RAB3GAP2: variants seen among roughly 807,000 people sequenced by gnomAD.
The protein encoded by RAB3GAP2 is RAB3 GTPase activating non-catalytic protein subunit 2.
RAB3GAP2 carries 87 observed loss-of-function variants against 185.3 expected under a neutral mutation model. That is an observed-to-expected ratio of 0.47 (90% confidence interval 0.39 to 0.56). The LOEUF is 0.56. Among genes scored for constraint, RAB3GAP2 ranks in the 20% least tolerant of loss-of-function variants. The pLI is 0.00. For missense variants in RAB3GAP2, 1,492 were observed against 1,638.2 expected, an observed-to-expected ratio of 0.91 and a Z score of 1.54; for synonymous variants, 554 against 576.1, an observed-to-expected ratio of 0.96 and a Z score of 0.55.
At chr1:220,214,092 A>G in intron 2 of RAB3GAP2, 113 bp from the exon 3 acceptor site, 1 of 1,054,338 alleles carries the variant, frequency 9.5e-7, no homozygotes, top group Non-Finnish European at 1.4e-6. Context: ...AAATATTTCC[A>G]ATTCTCATAC....
rs1657761047 is a variant in RAB3GAP2 at position 220,151,725 on chromosome 1, G to A, written c.3907C>T (p.Gln1303Ter). Residue 1303 changes from glutamine to a stop codon, truncating the protein, a stop_gained, in exon 34 of 35, where the codon CAG (glutamine) becomes TAG (stop). Transcript: ENST00000358951. LOFTEE classifies it high-confidence loss of function. ...CTTTGCCCCGTGAGCACCAGCAGCTGAGAGGCAAGGACCTCTTTGTCATGA... is the reference window on the plus strand; with the variant it reads ...CTTTGCCCCGTGAGCACCAGCAGCTAAGAGGCAAGGACCTCTTTGTCATGA... The part of the protein sequence containing the change: ...QVHDKEVLAS[Q>*]LLVLTGQRLA... The A allele has an allele frequency of 6.2e-7, 1 of 1,611,862 alleles. No individual in the cohort carries two copies. The highest frequency in any genetic ancestry group is 8.5e-7 in the Non-Finnish European group (1 of 1,177,912).
intron 1 of RAB3GAP2, chr1:220,254,641 A>G (rs1395669897): frequency 6.9e-6 from 6 of 873,754 alleles, no homozygotes; most frequent in Non-Finnish European, 9.2e-6. Flanking sequence ...GTTAGTGTAT[A>G]ACAATTGATG....
At chr1:220,235,812 G>A (rs1302587847) in intron 1 of RAB3GAP2, among the ~76,000 whole-genome samples, 1 of 152,114 alleles carries the variant, frequency 6.6e-6, no homozygotes, top group East Asian at 1.9e-4. Context: ...ATCTCTCTAT[G>A]CCACAATTCA....
chr1:220,194,987 G>C, intron 12 of RAB3GAP2, 91 bp downstream of exon 12: 1 of 1,280,296 alleles, frequency 7.8e-7, no homozygotes, highest in Non-Finnish European at 1.1e-6. Context: ...CCAAAGACAA[G>C]ATCAGCAAAT....
chr1:220,176,934 G>A (rs1272125781), intron 21 of RAB3GAP2, among the ~76,000 whole-genome samples: 1 of 152,066 alleles, frequency 6.6e-6, no homozygotes, highest in Non-Finnish European at 1.5e-5. Context: ...TACCTCACTT[G>A]TGCAGGAACC....
At chr1:220,160,335 G>T (rs974709348) in intron 28 of RAB3GAP2, among the ~76,000 whole-genome samples, 2 of 152,224 alleles carry the variant, frequency 1.3e-5, no homozygotes, top group African/African-American at 2.4e-5. Context: ...ACTACCACTT[G>T]CTGGGATTAC....
At chr1:220,226,311 T>A (rs999801955) in intron 2 of RAB3GAP2, among the ~76,000 whole-genome samples, 5 of 152,196 alleles carry the variant, frequency 3.3e-5, no homozygotes, top group African/African-American at 1.2e-4. Context: ...CCTTTCAAGC[T>A]TCTTCCCAAA....
At chr1:220,170,013 C>G (rs1658144054) in intron 24 of RAB3GAP2, among the ~76,000 whole-genome samples, 1 of 152,082 alleles carries the variant, frequency 6.6e-6, no homozygotes, top group Non-Finnish European at 1.5e-5. Context: ...AGACTTGGAA[C>G]CAACCCAAAT....
At position 220,272,237 on chromosome 1, in the gene RAB3GAP2, A is replaced by C; in HGVS notation, c.101T>G (p.Leu34Trp). The change falls in exon 1 of 35, where the codon TTG (leucine) becomes TGG (tryptophan). Residue 34 changes from leucine (L) to tryptophan (W), a missense_variant. By Grantham distance (61) the Leu-to-Trp change is moderately conservative (BLOSUM62 -2). Coordinates refer to ENST00000358951, the MANE Select transcript of RAB3GAP2 (RefSeq NM_012414.4). ...GAGGCACTTACTGGGGTCCCTCCGCAAGGCGCCGCTGAGGATCTCCTCCCG... is the reference window on the plus strand; with the variant it reads ...GAGGCACTTACTGGGGTCCCTCCGCCAGGCGCCGCTGAGGATCTCCTCCCG... ...HLREEILSGA[L>W]RRDPSKSTDW... is the part of the protein sequence containing the mutation. 6.2e-7 allele frequency: 1 copy of C among 1,608,006 alleles called. No individual in the cohort carries two copies. Among genetic ancestry groups the C allele is most frequent in the Non-Finnish European group, 8.5e-7 (1 of 1,178,152 alleles).
At chr1:220,174,382 C>T (rs1487952723) in intron 21 of RAB3GAP2, among the ~76,000 whole-genome samples, 1 of 152,024 alleles carries the variant, frequency 6.6e-6, no homozygotes, top group African/African-American at 2.4e-5. Flanking sequence ...ATATAGACAC[C>T]CTTTAAAAAA....
intron 2 of RAB3GAP2, among the ~76,000 whole-genome samples, chr1:220,216,583 TAGGAGCTTAGA>T (rs1659205677): frequency 6.6e-6 from 1 of 152,148 alleles, no homozygotes; most frequent in African/African-American, 2.4e-5. Flanking sequence ...CACTTTCAGG[TAGGAGCTTAGA>T]AGAGGACAGC....
chr1:220,245,118 C>A (rs1456907168), intron 1 of RAB3GAP2, among the ~76,000 whole-genome samples: 2 of 143,836 alleles, frequency 1.4e-5, no homozygotes, highest in Non-Finnish European at 3.0e-5. Context: ...TCAAACAAAT[C>A]AGCAAGAAAA....
intron 1 of RAB3GAP2, among the ~76,000 whole-genome samples, chr1:220,269,821 A>T (rs1353210238): frequency 6.6e-6 from 1 of 152,214 alleles, no homozygotes; most frequent in Non-Finnish European, 1.5e-5. Context: ...AGCAGGAAGA[A>T]TTGCTAGAAG....
At chr1:220,237,629 T>C (rs923134149) in intron 1 of RAB3GAP2, among the ~76,000 whole-genome samples, 1 of 152,202 alleles carries the variant, frequency 6.6e-6, no homozygotes, top group African/African-American at 2.4e-5. Flanking sequence ...TACAGGAATC[T>C]CTATTTAACA....
intron 17 of RAB3GAP2, among the ~76,000 whole-genome samples, chr1:220,189,229 T>A (rs1413741645): frequency 6.6e-6 from 1 of 151,800 alleles, no homozygotes. Flanking sequence ...TAGGTATGTG[T>A]ATATAAAACA....
chr1:220,195,031 A>G, intron 12 of RAB3GAP2, 47 bp downstream of exon 12: 1 of 1,536,340 alleles, frequency 6.5e-7, no homozygotes. Context: ...TACATTTAAC[A>G]GTACCTTTCT....
At chr1:220,156,710 AT>A (rs1657865627) in intron 31 of RAB3GAP2, among the ~76,000 whole-genome samples, 2 of 152,234 alleles carry the variant, frequency 1.3e-5, no homozygotes, top group Admixed American at 6.5e-5. Context: ...GGCATGATCT[AT>A]GGCAGAATTT....
chr1:220,218,988 T>C (rs983740411), intron 2 of RAB3GAP2, among the ~76,000 whole-genome samples: 7 of 152,082 alleles, frequency 4.6e-5, no homozygotes, highest in African/African-American at 1.7e-4. Context: ...CCAAATAATA[T>C]CCTTAAAATT....
Position 220,202,340 on chromosome 1 carries a change from T to G in RAB3GAP2, c.747A>C (p.Pro249=), listed in dbSNP as rs780485524. 5.0e-6 allele frequency: 8 copies of G among 1,613,864 alleles called. No individual in the cohort carries two copies. Among genetic ancestry groups the G allele is most frequent in the Non-Finnish European group, 6.8e-6 (8 of 1,179,888 alleles). The part of the protein sequence containing the change: ...AASGNENIQP[P]PLAYKKWGLQ... ...GACCCCATTTCTTATAAGCTAATGG[T>G]GGTGGTTGTATGTTCTCATTGCCTG... Residue 249 remains proline (P), a synonymous_variant, in exon 9 of 35, where the codon CCA becomes CCC. Transcript: ENST00000358951.
Sources: allele counts gnomAD v4.1 joint callset (sites outside exome capture counted in the v4.1 genomes callset), GRCh38; gene constraint gnomAD v4.1.1; transcripts MANE v1.5; gene names NCBI Gene and HGNC (gene_info 2026-07-23, HGNC 2026-07-21).